The following GSDME variants were observed in gnomAD, a reference collection of about 807,000 sequenced individuals.
GSDME encodes gasdermin-E.
In GSDME, 44 loss-of-function variants were observed where a neutral mutation model predicts 47.5. The ratio of observed to expected loss-of-function variants is 0.93; its 90% confidence interval spans 0.73 to 1.19. GSDME has a LOEUF of 1.19. GSDME is among the 50% of genes most tolerant of loss of function. The pLI is 0.00. For missense variants in GSDME, 663 were observed against 604.2 expected (o/e 1.10, Z -1.02); for synonymous variants, 258 against 252.8 (o/e 1.02, Z -0.20).
chr7:24,739,656 A>G lies in GSDME; in HGVS notation c.404+4906T>C, dbSNP rs550694143. 6.6e-6 allele frequency among the ~76,000 whole-genome samples: 1 copy of G among 152,366 alleles called. No individual in the cohort carries two copies. Among genetic ancestry groups the G allele is most frequent in the African/African-American group, 2.4e-5 (1 of 41,588 alleles). On this transcript the variant is annotated intron_variant, in intron 3 of 9. Transcript: ENST00000645220. This position sits in a 1 kb window ranked among gnomAD's most constrained non-coding sequence, Gnocchi z 5.1. The stretch of plus-strand genomic sequence containing the variant: ...TGTACCCAAAAGAAAGGAAATCAGT[A>G]TACTGAGGAGCTATCTGCACTCCTA...
At chr7:24,727,828 A>C (rs964253569) in intron 3 of GSDME, among the ~76,000 whole-genome samples, 1 of 152,210 alleles carries the variant, frequency 6.6e-6, no homozygotes, top group East Asian at 1.9e-4. Flanking sequence ...GGGAGGCTCC[A>C]TTCACCCTTT....
At chr7:24,783,912 T>G in the GSDME span, among the ~76,000 whole-genome samples, 1 of 151,964 alleles carries the variant, frequency 6.6e-6, no homozygotes, top group Non-Finnish European at 1.5e-5. Context: ...TTGGATGTGT[T>G]GAGTTTGAGA....
Position 24,698,673 on chromosome 7 carries a change from G to T in GSDME, c.*353C>A. The T allele has an allele frequency of 2.9e-6, 1 of 346,676 alleles. No homozygotes were observed. Among genetic ancestry groups the T allele is most frequent in the Non-Finnish European group, 5.5e-6 (1 of 180,854 alleles). The allele number at this position is 346,676 out of a possible 1,614,324, so 21.5% of individuals were successfully genotyped here. A position where few individuals can be genotyped will look rare whatever the true frequency, so the allele number is the denominator to read the frequency against. On this transcript the variant is annotated 3_prime_UTR_variant, in exon 10 of 10. Coordinates refer to ENST00000645220, the MANE Select transcript of GSDME (RefSeq NM_001127453.2). ...TGTAAAAAGACCTTTTGGATTAAAG[G>T]GTCAGACTCTTTCTATGTAACAAAA...
chr7:24,715,456 A>G (rs971507610), intron 5 of GSDME: 1 of 470,880 alleles, frequency 2.1e-6, no homozygotes, highest in African/African-American at 2.0e-5. Context: ...TCACTTGTAC[A>G]TCTTGAACAT....
chr7:24,702,752 T>TTAG lies in GSDME; in HGVS notation c.1257+7_1257+8insCTA. On this transcript the variant is annotated splice_region_variant and intron_variant, in intron 9 of 9. Coordinates refer to ENST00000645220, the MANE Select transcript of GSDME (RefSeq NM_001127453.2). ...CCATTCTAAGGTCCCACCTGGGAGGTTGCTTACCAAGTGGCACAGTGTGGG... is the reference window on the plus strand; with the variant it reads ...CCATTCTAAGGTCCCACCTGGGAGGTTAGTGCTTACCAAGTGGCACAGTGTGGG... 1 of 1,612,184 alleles carries TTAG rather than the reference T, an allele frequency of 6.2e-7. No homozygotes were observed. Among genetic ancestry groups the TTAG allele is most frequent in the Non-Finnish European group, 8.5e-7 (1 of 1,178,726 alleles).
intron 2 of GSDME, among the ~76,000 whole-genome samples, chr7:24,749,327 C>T (rs1790777526): frequency 6.6e-6 from 1 of 151,958 alleles, no homozygotes; most frequent in African/African-American, 2.4e-5. Context: ...CACGGTGAAA[C>T]ACTGTCTCTA....
At chr7:24,795,434 G>T in the GSDME span, among the ~76,000 whole-genome samples, 4 of 152,172 alleles carry the variant, frequency 2.6e-5, no homozygotes, top group African/African-American at 4.8e-5. Context: ...AGCATCGGCA[G>T]ACTTACAAAA....
chr7:24,752,575 C>G (rs1375719858), intron 1 of GSDME, among the ~76,000 whole-genome samples: 1 of 152,136 alleles, frequency 6.6e-6, no homozygotes, highest in Non-Finnish European at 1.5e-5. Flanking sequence ...GGGTGTCATG[C>G]TGGTATCCCA....
At chr7:24,788,472 C>T in the GSDME span, among the ~76,000 whole-genome samples, 1 of 152,190 alleles carries the variant, frequency 6.6e-6, no homozygotes, top group Non-Finnish European at 1.5e-5. This position sits in a 1 kb window ranked among gnomAD's most constrained non-coding sequence, Gnocchi z 4.6. Flanking sequence ...TCAGCCTGCT[C>T]ACAGCCTTAT....
In GSDME at chr7:24,699,248, CA is replaced by C; in HGVS notation, c.1268del (p.Leu423ArgfsTer14). ...IPTLCHLLRALSDDGVSDLED... is the reference protein window; with the variant it reads ...IPTLCHLLRAXSDDGVSDLED... Reference sequence around the variant, plus strand: ...CAAGATCAGATACTCCATCATCAGACAGAGCACGAAGCTGAAATGACACATT... The same window carrying C: ...CAAGATCAGATACTCCATCATCAGACGAGCACGAAGCTGAAATGACACATT... On this transcript the variant is annotated frameshift_variant, in exon 10 of 10. Coordinates refer to ENST00000645220, the MANE Select transcript of GSDME (RefSeq NM_001127453.2). LOFTEE classifies it low-confidence loss of function (END_TRUNC). The C allele has an allele frequency of 6.2e-7, 1 of 1,611,316 alleles. No individual in the cohort carries two copies. The highest frequency in any genetic ancestry group is 2.2e-5 in the East Asian group (1 of 44,864).
At chr7:24,738,219 G>T (rs570989436) in intron 3 of GSDME, among the ~76,000 whole-genome samples, 1 of 152,092 alleles carries the variant, frequency 6.6e-6, no homozygotes, top group Non-Finnish European at 1.5e-5. Context: ...CTTATATTTG[G>T]AAAAACTTAA....
At position 24,699,169 on chromosome 7, in the gene GSDME, G is replaced by T. The variant is rs151328414; in HGVS notation, c.1348C>A (p.Arg450Ser). Residue 450 changes from arginine to serine, a missense_variant, in exon 10 of 10, where the codon CGC becomes AGC. Transcript: ENST00000645220. ...KDTERFGIVQ[R>S]LFASADISLE... ...CTAATGTCAGCTGAGGCAAACAAGC[G>T]CTGCACAATCCCAAACCTTTCTGTA... 9.3e-6 allele frequency: 15 copies of T among 1,614,122 alleles called. No homozygotes were observed. The East Asian group carries it at 3.3e-4, about 36-fold the overall frequency.
At chr7:24,775,649 C>T in the GSDME span, among the ~76,000 whole-genome samples, 16 of 151,928 alleles carry the variant, frequency 1.1e-4, no homozygotes, top group African/African-American at 2.7e-4. Context: ...TGAAGCTGGG[C>T]GGATTGCTCG....
At position 24,728,884 on chromosome 7, in the gene GSDME, G is replaced by A. The variant is rs192296382; in HGVS notation, c.405-9666C>T. On this transcript the variant is annotated intron_variant, in intron 3 of 9. Transcript: ENST00000645220. This position sits in a 1 kb window ranked among gnomAD's most constrained non-coding sequence, Gnocchi z 7.2. ...GATAAGCCCTGCTCTTTCTCTCTCT[G>A]TCACTTGGCTGTAATGTAGATGACT... 6.6e-6 allele frequency among the ~76,000 whole-genome samples: 1 copy of A among 152,300 alleles called. No homozygotes were observed. The highest frequency in any genetic ancestry group is 6.5e-5 in the Admixed American group (1 of 15,296).
intron 7 of GSDME, among the ~76,000 whole-genome samples, chr7:24,706,736 A>G (rs1789124454): frequency 6.6e-6 from 1 of 152,196 alleles, no homozygotes; most frequent in South Asian, 2.1e-4. Context: ...GCGTTAAGCT[A>G]GGCGCTCCAG....
the GSDME span, among the ~76,000 whole-genome samples, chr7:24,768,241 G>A: frequency 1.3e-5 from 2 of 152,238 alleles, no homozygotes; most frequent in Non-Finnish European, 2.9e-5. The surrounding 1 kb of genome is among the most constrained non-coding windows in gnomAD (Gnocchi z 5.6). Flanking sequence ...GTGCAGGGGA[G>A]AGGATTCTGC....
chr7:24,743,394 C>T (rs1232974309), intron 3 of GSDME, among the ~76,000 whole-genome samples: 1 of 152,154 alleles, frequency 6.6e-6, no homozygotes. Context: ...AACAAAATTA[C>T]ACAGGAAAAT....
Position 24,710,403 on chromosome 7 carries a change from A to G in GSDME, c.698-15T>C. ...AAGGCAGAACTCTGTAGTGCAGGAG[A>G]AAAGGACAAGTTAGGTAAAGTTGAG... On this transcript the variant is annotated splice_polypyrimidine_tract_variant and intron_variant, in intron 5 of 9. Coordinates refer to ENST00000645220, the MANE Select transcript of GSDME (RefSeq NM_001127453.2). The G allele has an allele frequency of 6.2e-7, 1 of 1,614,042 alleles. No homozygotes were observed. The highest frequency in any genetic ancestry group is 1.3e-5 in the African/African-American group (1 of 75,046).
rs1281670242 is a variant in GSDME, at chr7:24,756,515, T to G, written c.-20+881A>C. ...ACAATTAATTTCACTCTTCAGCTGC[T>G]TCTCCAACCCCACAGCACTCCTTTC... On this transcript the variant is annotated intron_variant, in intron 1 of 9. Coordinates refer to ENST00000645220, the MANE Select transcript of GSDME (RefSeq NM_001127453.2). The surrounding 1 kb of genome is among the most constrained non-coding windows in gnomAD (Gnocchi z 4.2). 1.3e-5 allele frequency among the ~76,000 whole-genome samples: 2 copies of G among 152,224 alleles called. No individual in the cohort carries two copies. Among genetic ancestry groups the G allele is most frequent in the African/African-American group, 4.8e-5 (2 of 41,454 alleles).
Sources: gnomAD v4.1 joint callset for allele counts (sites outside exome capture counted in the v4.1 genomes callset) on GRCh38, gnomAD v4.1.1 for gene constraint, Gnocchi (gnomAD v3.1) non-coding constraint, MANE v1.5 for transcripts, NCBI Gene and HGNC (gene_info 2026-07-23, HGNC 2026-07-21) for gene names.